Variants in OXT observed in about 807,000 individuals in gnomAD.
The protein encoded by OXT is oxytocin/neurophysin I prepropeptide, also known as oxytocin-neurophysin 1 proprotein.
In OXT, 9 loss-of-function variants were observed where a neutral mutation model predicts 11.2. The ratio of observed to expected loss-of-function variants is 0.80; its 90% CI spans 0.49 to 1.40. The LOEUF (loss-of-function observed/expected upper bound fraction) is 1.40, where lower values mean the gene tolerates loss of function less well. OXT is among the 40% of genes most tolerant of loss of function. OXT has a pLI of 0.00. For missense variants in OXT, 175 were observed against 178.7 expected, an observed-to-expected ratio of 0.98 and a Z score of 0.12; for synonymous variants, 76 against 80.9, an observed-to-expected ratio of 0.94 and a Z score of 0.33.
At position 3,072,140 on chromosome 20, in the gene OXT, G is replaced by C; in HGVS notation, c.184G>C (p.Glu62Gln). 6.3e-7 allele frequency: 1 copy of C among 1,587,854 alleles called. No homozygotes were observed. The highest frequency in any genetic ancestry group is 1.7e-5 in the Admixed American group (1 of 58,534). Residue 62 changes from glutamate to glutamine, a missense_variant, in exon 2 of 3, where the codon GAG becomes CAG. Coordinates refer to ENST00000217386, the MANE Select transcript of OXT (RefSeq NM_000915.4). ...CFGPNICCAE[E>Q]LGCFVGTAEA... ...CGGGCCCAATATCTGCTGCGCGGAA[G>C]AGCTGGGCTGCTTCGTGGGCACCGC...
chr20:3,072,186 A>G lies in OXT; in HGVS notation c.230A>G (p.Glu77Gly). The G allele has an allele frequency of 6.3e-7, 1 of 1,596,634 alleles. No individual in the cohort carries two copies. Residue 77 changes from glutamate (E) to glycine (G), a missense_variant, in exon 2 of 3, where the codon GAG becomes GGG. Physicochemically the swap from Glu to Gly is moderately conservative, Grantham distance 98 (BLOSUM62 -2). Transcript: ENST00000217386. ...VGTAEALRCQEENYLPSPCQS... is the reference protein window; with the variant it reads ...VGTAEALRCQGENYLPSPCQS... ...ACCGCCGAAGCGCTGCGCTGCCAGG[A>G]GGAGAACTACCTGCCGTCGCCCTGC...
chr20:3,071,626 C>A lies in OXT; in HGVS notation c.-30C>A. The A allele has an allele frequency of 6.3e-7, 1 of 1,599,920 alleles. No individual in the cohort carries two copies. Among genetic ancestry groups the A allele is most frequent in the South Asian group, 1.1e-5 (1 of 90,040 alleles). On this transcript the variant is annotated 5_prime_UTR_variant, in exon 1 of 3. Transcript: ENST00000217386. This position sits in a 1 kb window ranked among gnomAD's most constrained non-coding sequence, Gnocchi z 4.8. The stretch of plus-strand genomic sequence containing the variant: ...CCAGGCCGGAGAGACCGCCACCAGT[C>A]ACGGACCCTGGACCCAGCGCACCCG...
rs746778163 is a variant in OXT at position 3,072,062 on chromosome 20, C to T, written c.121-15C>T. On this transcript the variant is annotated splice_polypyrimidine_tract_variant and intron_variant, in intron 1 of 2. Coordinates refer to ENST00000217386, the MANE Select transcript of OXT (RefSeq NM_000915.4). ...GCGCCGCCCCGGCTCCCGCTCACCC[C>T]GCCCGTCCCCGCAGTGCCTCCCCTG... 17 of 1,508,288 alleles carry T rather than the reference C, an allele frequency of 1.1e-5. No homozygotes were observed. The African/African-American group carries it at 2.3e-4, about 21-fold the overall frequency. The allele number at this position is 1,508,288 out of a possible 1,614,324, so 93.4% of individuals were successfully genotyped here.
intron 1 of OXT, 46 bp from the exon 2 acceptor site, chr20:3,072,031 T>TC: frequency 6.9e-7 from 1 of 1,458,604 alleles, no homozygotes; most frequent in East Asian, 2.8e-5. Context: ...TCCGAGCGAG[T>TC]CCCCAGCGCC....
rs750636956 is a variant in OXT at position 3,072,178 on chromosome 20, C to T, written c.222C>T (p.Arg74=). The change falls in exon 2 of 3, where the codon CGC becomes CGT. Residue 74 remains arginine, a synonymous_variant. Coordinates refer to ENST00000217386, the MANE Select transcript of OXT (RefSeq NM_000915.4). ...TCGTGGGCACCGCCGAAGCGCTGCG[C>T]TGCCAGGAGGAGAACTACCTGCCGT... ...GCFVGTAEAL[R]CQEENYLPSP... The T allele has an allele frequency of 6.3e-7, 1 of 1,596,096 alleles. No individual in the cohort carries two copies. Among genetic ancestry groups the T allele is most frequent in the Admixed American group, 1.7e-5 (1 of 59,558 alleles).
Position 3,071,624 on chromosome 20 carries a change from GT to G in OXT, c.-31del. 1 of 1,599,664 alleles carries G rather than the reference GT, an allele frequency of 6.3e-7. No homozygotes were observed. The highest frequency in any genetic ancestry group is 8.5e-7 in the Non-Finnish European group (1 of 1,177,942). The stretch of plus-strand genomic sequence containing the variant: ...GGCCAGGCCGGAGAGACCGCCACCA[GT>G]CACGGACCCTGGACCCAGCGCACCC... On this transcript the variant is annotated 5_prime_UTR_variant, in exon 1 of 3. Transcript: ENST00000217386. The surrounding 1 kb of genome is among the most constrained non-coding windows in gnomAD (Gnocchi z 4.8).
At position 3,071,821 on chromosome 20, in the gene OXT, C is replaced by T. The variant is rs555695260; in HGVS notation, c.120+46C>T. The T allele has an allele frequency of 4.4e-4, 673 of 1,513,236 alleles. 2 individuals carry two copies. Among genetic ancestry groups the T allele is most frequent in the African/African-American group, 2.3e-3 (168 of 72,316 alleles). The allele number at this position is 1,513,236 out of a possible 1,614,324, so 93.7% of individuals were successfully genotyped here. ...CCGCGGCGCTCCGGGGAGGGAGGGA[C>T]CCGCAGCCACAGGGGCGCGCCCCGC... is the stretch of plus-strand genomic sequence containing the variant. On this transcript the variant is annotated intron_variant, in intron 1 of 2. Coordinates refer to ENST00000217386, the MANE Select transcript of OXT (RefSeq NM_000915.4). This position sits in a 1 kb window ranked among gnomAD's most constrained non-coding sequence, Gnocchi z 4.8.
chr20:3,071,856 G>A lies in OXT; in HGVS notation c.120+81G>A. 2 of 1,479,832 alleles carry A rather than the reference G, an allele frequency of 1.4e-6. No homozygotes were observed. Among genetic ancestry groups the A allele is most frequent in the South Asian group, 1.3e-5 (1 of 75,582 alleles). 91.7% of individuals were successfully genotyped at this position (1,479,832 alleles called of 1,614,324 possible). ...CAGGGGCGCGCCCCGCTCCGGCCTC[G>A]CCTGAGAACTCCAGGAGCTGAGCGG... On this transcript the variant is annotated intron_variant, in intron 1 of 2. Coordinates refer to ENST00000217386, the MANE Select transcript of OXT (RefSeq NM_000915.4). This position sits in a 1 kb window ranked among gnomAD's most constrained non-coding sequence, Gnocchi z 4.8.
Position 3,072,093 on chromosome 20 carries a change from C to T in OXT, c.137C>T (p.Pro46Leu). 2 of 1,541,134 alleles carry T rather than the reference C, an allele frequency of 1.3e-6. No homozygotes were observed. The highest frequency in any genetic ancestry group is 1.7e-6 in the Non-Finnish European group (2 of 1,152,912). ...TCCCCGCAGTGCCTCCCCTGCGGCC[C>T]CGGGGGCAAAGGCCGCTGCTTCGGG... ...LDVRKCLPCG[P>L]GGKGRCFGPN... The change falls in exon 2 of 3, where the codon CCC becomes CTC. Residue 46 changes from proline to leucine, a missense_variant. Pro to Leu is a moderately conservative substitution (Grantham distance 98, BLOSUM62 -3). Transcript: ENST00000217386.
At position 3,071,774 on chromosome 20, in the gene OXT, A is replaced by T; in HGVS notation, c.119A>T (p.Lys40Met). The change falls in exon 1 of 3, where the codon AAG (lysine) becomes ATG (methionine). Residue 40 changes from lysine to methionine, a missense_variant and splice_region_variant. Lys to Met is a moderately conservative substitution (Grantham distance 95). Transcript: ENST00000217386. The surrounding 1 kb of genome is among the most constrained non-coding windows in gnomAD (Gnocchi z 4.8). Reference protein sequence around the residue: ...KRAAPDLDVRKCLPCGPGGKG... With the variant: ...KRAAPDLDVRMCLPCGPGGKG... ...GCCGCGCCGGACCTCGACGTGCGCA[A>T]GGTGAGTCCCCAGCCCTGGTCCCGC... 6.4e-7 allele frequency: 1 copy of T among 1,570,612 alleles called. No individual in the cohort carries two copies. Among genetic ancestry groups the T allele is most frequent in the Non-Finnish European group, 8.6e-7 (1 of 1,163,926 alleles).
At position 3,072,284 on chromosome 20, in the gene OXT, C is replaced by T; in HGVS notation, c.322+6C>T. 1 of 1,589,936 alleles carries T rather than the reference C, an allele frequency of 6.3e-7. No individual in the cohort carries two copies. The highest frequency in any genetic ancestry group is 8.5e-7 in the Non-Finnish European group (1 of 1,173,110). ...GGGCCTCTGCTGCAGCCCGGGTGAG[C>T]GGGGCAAGGCGCTCCGGGGCCAGGG... On this transcript the variant is annotated splice_donor_region_variant and intron_variant, in intron 2 of 2. Transcript: ENST00000217386.
In OXT at chr20:3,072,465, C is replaced by G. The variant is rs774935191; in HGVS notation, c.*47C>G. On this transcript the variant is annotated 3_prime_UTR_variant, in exon 3 of 3. Coordinates refer to ENST00000217386, the MANE Select transcript of OXT (RefSeq NM_000915.4). ...CTCGAAGCGCGCCACTCGCTTCCCC[C>G]ATAGCCACCCCAGAAATGGTGAAAA... The G allele has an allele frequency of 2.1e-5, 33 of 1,576,014 alleles. No homozygotes were observed. Among genetic ancestry groups the G allele is most frequent in the Middle Eastern group, 1.7e-4 (1 of 6,008 alleles).
At position 3,071,949 on chromosome 20, in the gene OXT, G is replaced by A; in HGVS notation, c.121-128G>A. ...CGCCCCAGCGCGTCTCAGCCCCGCT[G>A]TCCCGCCCGAACTCCGAACCCCGGA... On this transcript the variant is annotated intron_variant, in intron 1 of 2. Transcript: ENST00000217386. The surrounding 1 kb of genome is among the most constrained non-coding windows in gnomAD (Gnocchi z 4.8). 1 of 1,353,656 alleles carries A rather than the reference G, an allele frequency of 7.4e-7. No individual in the cohort carries two copies. Among genetic ancestry groups the A allele is most frequent in the Non-Finnish European group, 9.6e-7 (1 of 1,042,216 alleles). The allele number at this position is 1,353,656 out of a possible 1,614,324, so 83.9% of individuals were successfully genotyped here.
At position 3,072,189 on chromosome 20, in the gene OXT, A is replaced by G; in HGVS notation, c.233A>G (p.Glu78Gly). Residue 78 changes from glutamate to glycine, a missense_variant, in exon 2 of 3, where the codon GAG becomes GGG. Glu to Gly is a moderately conservative substitution (Grantham distance 98, BLOSUM62 -2). Transcript: ENST00000217386. ...GTAEALRCQEENYLPSPCQSG... is the reference protein window; with the variant it reads ...GTAEALRCQEGNYLPSPCQSG... ...GCCGAAGCGCTGCGCTGCCAGGAGG[A>G]GAACTACCTGCCGTCGCCCTGCCAG... The G allele has an allele frequency of 6.3e-7, 1 of 1,596,590 alleles. No homozygotes were observed.
rs757043276 is a variant in OXT, at chr20:3,072,228, C to G, written c.272C>G (p.Ala91Gly). The change falls in exon 2 of 3, where the codon GCG becomes GGG. Residue 91 changes from alanine (A) to glycine (G), a missense_variant. Transcript: ENST00000217386. ...TCGCCCTGCCAGTCCGGCCAGAAGG[C>G]GTGCGGGAGCGGGGGCCGCTGCGCG... is the stretch of plus-strand genomic sequence containing the variant. ...LPSPCQSGQK[A>G]CGSGGRCAVL... is the part of the protein sequence containing the mutation. 8.1e-6 allele frequency: 13 copies of G among 1,595,534 alleles called. No homozygotes were observed. The South Asian group carries it at 1.4e-4, about 18-fold the overall frequency.
Position 3,071,890 on chromosome 20 carries a change from GC to G in OXT, c.120+119del. The G allele has an allele frequency of 2.1e-6, 3 of 1,400,802 alleles. No individual in the cohort carries two copies. The highest frequency in any genetic ancestry group is 9.3e-7 in the Non-Finnish European group (1 of 1,073,914). The allele number at this position is 1,400,802 out of a possible 1,614,324, so 86.8% of individuals were successfully genotyped here. A position where few individuals can be genotyped will look rare whatever the true frequency, so the allele number is the denominator to read the frequency against. The stretch of plus-strand genomic sequence containing the variant: ...CTCCAGGAGCTGAGCGGATTTTGAC[GC>G]CCCGCCCTTGACCGCGGTCGAGGCC... On this transcript the variant is annotated intron_variant, in intron 1 of 2. Coordinates refer to ENST00000217386, the MANE Select transcript of OXT (RefSeq NM_000915.4). This position sits in a 1 kb window ranked among gnomAD's most constrained non-coding sequence, Gnocchi z 4.8.
Position 3,072,161 on chromosome 20 carries a change from A to C in OXT, c.205A>C (p.Thr69Pro), listed in dbSNP as rs1032912786. 5 of 1,593,256 alleles carry C rather than the reference A, an allele frequency of 3.1e-6. No individual in the cohort carries two copies. The highest frequency in any genetic ancestry group is 4.3e-6 in the Non-Finnish European group (5 of 1,176,442). The change falls in exon 2 of 3, where the codon ACC becomes CCC. Residue 69 changes from threonine to proline, a missense_variant. By Grantham distance (38) the Thr-to-Pro change is conservative. Coordinates refer to ENST00000217386, the MANE Select transcript of OXT (RefSeq NM_000915.4). ...CAEELGCFVG[T>P]AEALRCQEEN... Reference sequence around the variant, plus strand: ...GGAAGAGCTGGGCTGCTTCGTGGGCACCGCCGAAGCGCTGCGCTGCCAGGA... The same window carrying C: ...GGAAGAGCTGGGCTGCTTCGTGGGCCCCGCCGAAGCGCTGCGCTGCCAGGA...
Position 3,072,088 on chromosome 20 carries a change from C to A in OXT, c.132C>A (p.Cys44Ter). The stretch of plus-strand genomic sequence containing the variant: ...GCCCGTCCCCGCAGTGCCTCCCCTG[C>A]GGCCCCGGGGGCAAAGGCCGCTGCT... ...PDLDVRKCLP[C>*]GPGGKGRCFG... The change falls in exon 2 of 3, where the codon TGC becomes TGA. Residue 44 changes from cysteine (C) to a stop codon, truncating the protein, a stop_gained. Transcript: ENST00000217386. LOFTEE classifies it high-confidence loss of function. 2.0e-6 allele frequency: 3 copies of A among 1,534,422 alleles called. No individual in the cohort carries two copies. The highest frequency in any genetic ancestry group is 2.6e-6 in the Non-Finnish European group (3 of 1,149,542).
intron 1 of OXT, 53 bp from the exon 2 acceptor site, chr20:3,072,024 G>C (rs2066077844): frequency 1.4e-6 from 2 of 1,450,520 alleles, no homozygotes; most frequent in Non-Finnish European, 1.8e-6. Context: ...AGGGTCCTCC[G>C]AGCGAGTCCC....
Sources: gnomAD v4.1 joint callset for allele counts on GRCh38, gnomAD v4.1.1 for gene constraint, Gnocchi (gnomAD v3.1) non-coding constraint, MANE v1.5 for transcripts, NCBI Gene and HGNC (gene_info 2026-07-23, HGNC 2026-07-21) for gene names.